The following PRKN variants were observed in gnomAD, a reference collection of about 807,000 sequenced individuals.
The protein encoded by PRKN is parkin RBR E3 ubiquitin protein ligase.
Under a neutral mutation model 59.5 loss-of-function variants are expected in PRKN, and 56 were observed. The observed-to-expected ratio is 0.94, with a 90% CI of 0.76 to 1.18. PRKN has a LOEUF of 1.18. Ranked by LOEUF, PRKN falls within the 50% of genes most tolerant of loss-of-function variation. The probability of loss-of-function intolerance (pLI) is 0.00; values close to 1 mark genes in which losing one functional copy is unlikely to be tolerated. For missense variants in PRKN, 657 were observed against 596.4 expected (o/e 1.10, Z -1.06); for synonymous variants, 250 against 222.1 (o/e 1.13, Z -1.12).
rs369136348 is a variant in PRKN, at chr6:161,516,826, CAA to C, written c.1083+32026_1083+32027del. On this transcript the variant is annotated intron_variant, in intron 9 of 11. Transcript: ENST00000366898. ...TGGGTGACAGAGCAAGACTCAATCT[CAA>C]AAAAAAAAAAAAAAAAAAAGAAAGA... Among the ~76,000 whole-genome samples, 40 of 63,214 alleles carry C rather than the reference CAA, an allele frequency of 6.3e-4. No homozygotes were observed. In the East Asian group the frequency reaches 0.016, roughly 25 times the overall value. 41.5% of individuals were successfully genotyped at this position (63,214 alleles called of 152,430 possible).
At chr6:162,353,318 T>C (rs1436109330) in intron 2 of PRKN, among the ~76,000 whole-genome samples, 1 of 151,966 alleles carries the variant, frequency 6.6e-6, no homozygotes, top group Non-Finnish European at 1.5e-5. Flanking sequence ...AATTTTTATC[T>C]TTCTCTCGAA....
intron 7 of PRKN, among the ~76,000 whole-genome samples, chr6:161,717,372 G>A (rs1232065785): frequency 6.6e-6 from 1 of 152,134 alleles, no homozygotes; most frequent in South Asian, 2.1e-4. Context: ...ACTTTGAGGA[G>A]CACATTCAAA....
At chr6:161,758,607 G>A (rs957704910) in intron 7 of PRKN, among the ~76,000 whole-genome samples, 4 of 152,230 alleles carry the variant, frequency 2.6e-5, no homozygotes, top group Middle Eastern at 3.4e-3. Flanking sequence ...TGGCATATAC[G>A]TGTGTAAAAC....
chr6:161,658,490 A>G (rs1276258552), intron 7 of PRKN, among the ~76,000 whole-genome samples: 1 of 152,254 alleles, frequency 6.6e-6, no homozygotes, highest in African/African-American at 2.4e-5. Context: ...CAACAATAAC[A>G]GCGGGAGAGT....
chr6:161,944,630 A>C (rs1779714711), intron 6 of PRKN, among the ~76,000 whole-genome samples: 1 of 152,196 alleles, frequency 6.6e-6, no homozygotes, highest in Non-Finnish European at 1.5e-5. Flanking sequence ...CTGGGGGCCA[A>C]GCACAGTGTC....
chr6:161,603,081 G>A (rs1269554285), intron 7 of PRKN, among the ~76,000 whole-genome samples: 1 of 152,140 alleles, frequency 6.6e-6, no homozygotes, highest in Admixed American at 6.5e-5. Context: ...CAAGGAAAAT[G>A]AGAATCACAA....
chr6:162,564,387 T>G (rs1017633183), intron 1 of PRKN, among the ~76,000 whole-genome samples: 6 of 151,838 alleles, frequency 4.0e-5, no homozygotes, highest in Admixed American at 1.3e-4. Flanking sequence ...ATTGGCCTAT[T>G]GGCCTTAAAG....
At chr6:161,756,557 T>C (rs1237865078) in intron 7 of PRKN, among the ~76,000 whole-genome samples, 2 of 151,886 alleles carry the variant, frequency 1.3e-5, no homozygotes, top group Non-Finnish European at 2.9e-5. Flanking sequence ...GACCAAAAGA[T>C]TTTTCTTTCC....
chr6:162,613,571 T>C (rs1358698178), intron 1 of PRKN, among the ~76,000 whole-genome samples: 1 of 152,222 alleles, frequency 6.6e-6, no homozygotes, highest in Non-Finnish European at 1.5e-5. Context: ...TGCAGTTTAC[T>C]GTAAGCTTGA....
At chr6:162,010,171 A>G (rs1782436135) in intron 5 of PRKN, among the ~76,000 whole-genome samples, 1 of 143,830 alleles carries the variant, frequency 7.0e-6, no homozygotes, top group Admixed American at 7.6e-5. Context: ...CCCCTCGCAG[A>G]ATCAATCAAT....
At chr6:161,984,367 C>A (rs891366387) in intron 5 of PRKN, among the ~76,000 whole-genome samples, 2 of 152,150 alleles carry the variant, frequency 1.3e-5, no homozygotes, top group Non-Finnish European at 2.9e-5. Context: ...AAGCAATTCT[C>A]CTGCCTCAGC....
intron 6 of PRKN, among the ~76,000 whole-genome samples, chr6:161,877,512 T>A (rs1270607243): frequency 6.7e-6 from 1 of 149,520 alleles, no homozygotes; most frequent in African/African-American, 2.5e-5. Flanking sequence ...CAGGCTGGAG[T>A]GCAGTGGCGC....
At chr6:162,298,532 G>C (rs992492187) in intron 2 of PRKN, among the ~76,000 whole-genome samples, 3 of 151,984 alleles carry the variant, frequency 2.0e-5, no homozygotes, top group African/African-American at 4.8e-5. Flanking sequence ...CTGAAGGGAA[G>C]GGTGACAATA....
At chr6:162,073,171 G>A (rs1358127868) in intron 4 of PRKN, among the ~76,000 whole-genome samples, 1 of 152,134 alleles carries the variant, frequency 6.6e-6, no homozygotes, top group Non-Finnish European at 1.5e-5. Context: ...ATGGAGCAAG[G>A]GGTAGTCTTG....
chr6:162,273,229 G>A (rs1377645634), intron 2 of PRKN, among the ~76,000 whole-genome samples: 1 of 152,096 alleles, frequency 6.6e-6, no homozygotes, highest in Admixed American at 6.6e-5. Context: ...GGTTACCTAT[G>A]AGGGAGTAGG....
At chr6:161,989,311 AC>A (rs1181967100) in intron 5 of PRKN, among the ~76,000 whole-genome samples, 1 of 152,162 alleles carries the variant, frequency 6.6e-6, no homozygotes, top group East Asian at 1.9e-4. Context: ...AAACAGCCTT[AC>A]CCGTTACAGC....
In PRKN at chr6:161,460,620, G is replaced by A. The variant is rs950263976; in HGVS notation, c.1084-73743C>T. Reference sequence around the variant, plus strand: ...AGGAGTTCCGGGGGCACAAGGCCAAGCTGAAGAAGACACAACTTCATCGCC... The same window carrying A: ...AGGAGTTCCGGGGGCACAAGGCCAAACTGAAGAAGACACAACTTCATCGCC... On this transcript the variant is annotated intron_variant, in intron 9 of 11. Coordinates refer to ENST00000366898, the MANE Select transcript of PRKN (RefSeq NM_004562.3). This position sits in a 1 kb window ranked among gnomAD's most constrained non-coding sequence, Gnocchi z 5.0. Among the ~76,000 whole-genome samples the A allele has an allele frequency of 6.6e-6, 1 of 152,190 alleles. No homozygotes were observed. The highest frequency in any genetic ancestry group is 2.4e-5 in the African/African-American group (1 of 41,444).
rs1427301874 is a variant in PRKN, at chr6:162,540,317, C to A, written c.8-96844G>T. Among the ~76,000 whole-genome samples, 8 of 152,076 alleles carry A rather than the reference C, an allele frequency of 5.3e-5. No homozygotes were observed. The East Asian group carries it at 1.4e-3, about 26-fold the overall frequency. ...TGATCTCAGCTCGCTGCAATCTCTG[C>A]CTCACGGGTTCAAGCAATTCTCCTG... On this transcript the variant is annotated intron_variant, in intron 1 of 11. Coordinates refer to ENST00000366898, the MANE Select transcript of PRKN (RefSeq NM_004562.3).
At chr6:161,981,567 T>G (rs1439421422) in intron 5 of PRKN, among the ~76,000 whole-genome samples, 1 of 152,094 alleles carries the variant, frequency 6.6e-6, no homozygotes, top group African/African-American at 2.4e-5. Flanking sequence ...AGATAAAGCA[T>G]AACCACAACA....
Sources: allele counts gnomAD v4.1 joint callset (sites outside exome capture counted in the v4.1 genomes callset), GRCh38; gene constraint gnomAD v4.1.1; non-coding constraint Gnocchi (gnomAD v3.1); transcripts MANE v1.5; gene names NCBI Gene and HGNC (gene_info 2026-07-23, HGNC 2026-07-21).